Variants in JMJD1C observed in about 807,000 individuals in gnomAD.
JMJD1C encodes jumonji domain containing 1C, also known as jumonji domain-containing protein 1C.
Under a neutral mutation model 245.3 loss-of-function variants are expected in JMJD1C, and 31 were observed. That is an observed-to-expected ratio of 0.13 (90% CI 0.09 to 0.17). The LOEUF is 0.17. Among genes scored for constraint, JMJD1C ranks in the 10% least tolerant of loss-of-function variants. The probability of loss-of-function intolerance (pLI) is 1.00; values close to 1 mark genes in which losing one functional copy is unlikely to be tolerated. For missense variants in JMJD1C, 2,691 were observed against 3,000.2 expected (o/e 0.90, Z 2.41); for synonymous variants, 1,057 against 1,017.4 (o/e 1.04, Z -0.74).
chr10:63,210,786 C>T (rs1011710623), intron 8 of JMJD1C, among the ~76,000 whole-genome samples: 1 of 152,142 alleles, frequency 6.6e-6, no homozygotes, highest in African/African-American at 2.4e-5. Flanking sequence ...GGTCACCAGG[C>T]CTGCTTTCTA....
intron 18 of JMJD1C, among the ~76,000 whole-genome samples, chr10:63,188,737 G>C (rs1298705268): frequency 4.6e-5 from 7 of 152,160 alleles, no homozygotes; most frequent in Non-Finnish European, 1.0e-4. Context: ...GAACTAATTT[G>C]TAAGTAAATG....
intron 10 of JMJD1C, chr10:63,203,795 A>G (rs1487790611): frequency 1.0e-5 from 10 of 957,752 alleles, no homozygotes; most frequent in African/African-American, 1.8e-5. Flanking sequence ...TATAAAATAT[A>G]TAATTATACA....
chr10:63,386,324 T>C (rs1947585985), intron 1 of JMJD1C, among the ~76,000 whole-genome samples: 1 of 152,160 alleles, frequency 6.6e-6, no homozygotes, highest in Admixed American at 6.5e-5. Context: ...GTTGCCTGCC[T>C]ACAGCTGCTC....
At chr10:63,431,456 G>A (rs1186755087) in intron 1 of JMJD1C, among the ~76,000 whole-genome samples, 1 of 152,158 alleles carries the variant, frequency 6.6e-6, no homozygotes, top group African/African-American at 2.4e-5. Flanking sequence ...TTCTGAGGTA[G>A]GGACTTCAAG....
In JMJD1C at chr10:63,214,088, G is replaced by A. The variant is rs565904047; in HGVS notation, c.2079C>T (p.Ser693=). 9 of 1,614,102 alleles carry A rather than the reference G, an allele frequency of 5.6e-6. No individual in the cohort carries two copies. Among genetic ancestry groups the A allele is most frequent in the Non-Finnish European group, 7.6e-6 (9 of 1,179,958 alleles). ...RCSFHPIPTR[S]STLETTKSPL... ...GACTCTTTGTAGTTTCTAATGTACT[G>A]CTTCGAGTAGGAATTGGATGAAAAC... Residue 693 remains serine (S), a synonymous_variant, in exon 8 of 26, where the codon AGC becomes AGT. Coordinates refer to ENST00000399262, the MANE Select transcript of JMJD1C (RefSeq NM_032776.3).
At chr10:63,342,691 A>C (rs541963461) in intron 2 of JMJD1C, among the ~76,000 whole-genome samples, 6 of 152,206 alleles carry the variant, frequency 3.9e-5, no homozygotes, top group Non-Finnish European at 5.9e-5. Flanking sequence ...ATGATATTTC[A>C]TATTTTTACT....
At chr10:63,263,649 A>T (rs895711690) in intron 3 of JMJD1C, among the ~76,000 whole-genome samples, 1 of 152,154 alleles carries the variant, frequency 6.6e-6, no homozygotes, top group African/African-American at 2.4e-5. Context: ...ATACAAATGA[A>T]GGCCAGGTGT....
chr10:63,324,067 C>T (rs1941244295), intron 2 of JMJD1C, among the ~76,000 whole-genome samples: 1 of 150,272 alleles, frequency 6.7e-6, no homozygotes, highest in Non-Finnish European at 1.5e-5. Context: ...CTATGTGGGC[C>T]CCCAAAGGAT....
rs936064357 is a variant in JMJD1C at position 63,356,437 on chromosome 10, G to A, written c.333+23881C>T. The stretch of plus-strand genomic sequence containing the variant: ...TAGTTTACTCCAGACCCTCACTGAA[G>A]AACAAAAAAGACCTGAGAAAGCATT... On this transcript the variant is annotated intron_variant, in intron 2 of 25. Transcript: ENST00000399262. 2.6e-5 allele frequency among the ~76,000 whole-genome samples: 4 copies of A among 152,208 alleles called. No individual in the cohort carries two copies. The South Asian group carries it at 6.2e-4, about 24-fold the overall frequency.
intron 1 of JMJD1C, among the ~76,000 whole-genome samples, chr10:63,424,585 C>T (rs575641339): frequency 4.7e-4 from 36 of 76,788 alleles, no homozygotes; most frequent in African/African-American, 9.0e-4. Flanking sequence ...TGGCTCACTG[C>T]AGCCTCGACC....
chr10:63,197,371 A>T, intron 13 of JMJD1C, 40 bp downstream of exon 13: 1 of 1,540,936 alleles, frequency 6.5e-7, no homozygotes, highest in Non-Finnish European at 8.8e-7. Context: ...CTAAAGAAAA[A>T]TTATAAAAAA....
chr10:63,234,629 C>T (rs777840431), intron 3 of JMJD1C, among the ~76,000 whole-genome samples: 5 of 146,864 alleles, frequency 3.4e-5, no homozygotes, highest in African/African-American at 7.7e-5. Flanking sequence ...ATAAAAAGAA[C>T]GAGTTATTTA....
intron 22 of JMJD1C, 33 bp downstream of exon 22, chr10:63,183,412 CTT>C (rs1843724413): frequency 2.5e-6 from 4 of 1,572,168 alleles, no homozygotes; most frequent in Middle Eastern, 3.4e-4. Context: ...TTATTCAACT[CTT>C]ATTTCAAAGA....
intron 1 of JMJD1C, among the ~76,000 whole-genome samples, chr10:63,493,464 T>C (rs1420733277): frequency 2.0e-5 from 3 of 151,902 alleles, no homozygotes; most frequent in African/African-American, 7.3e-5. Context: ...GTATTTTTAA[T>C]AGAGACAGGG....
intron 1 of JMJD1C, among the ~76,000 whole-genome samples, chr10:63,492,118 C>T (rs756340322): frequency 1.8e-4 from 27 of 152,200 alleles, no homozygotes; most frequent in Non-Finnish European, 3.2e-4. Context: ...TCTGCACCCT[C>T]GACCTCCTGG....
intron 3 of JMJD1C, among the ~76,000 whole-genome samples, chr10:63,233,373 G>A (rs1040297598): frequency 6.6e-6 from 1 of 152,010 alleles, no homozygotes; most frequent in Admixed American, 6.6e-5. Context: ...AGCACTGTCT[G>A]TAACATTAGC....
intron 1 of JMJD1C, among the ~76,000 whole-genome samples, chr10:63,421,908 C>G (rs552345009): frequency 4.7e-4 from 71 of 152,272 alleles, no homozygotes; most frequent in African/African-American, 1.7e-3. Flanking sequence ...GAATTTGTGG[C>G]CTCCAGAACT....
In JMJD1C at chr10:63,331,001, C is replaced by A. The variant is rs533270208; in HGVS notation, c.333+49317G>T. On this transcript the variant is annotated intron_variant, in intron 2 of 25. Coordinates refer to ENST00000399262, the MANE Select transcript of JMJD1C (RefSeq NM_032776.3). ...ACTCTATGACCTGTATACTCCCCAC[C>A]TACTTACTTGACTTCATTATCTTCA... Among the ~76,000 whole-genome samples, 20 of 152,326 alleles carry A rather than the reference C, an allele frequency of 1.3e-4. No homozygotes were observed. The East Asian group carries it at 3.9e-3, about 29-fold the overall frequency.
chr10:63,251,973 A>G (rs940956418), intron 3 of JMJD1C, among the ~76,000 whole-genome samples: 2 of 152,182 alleles, frequency 1.3e-5, no homozygotes, highest in East Asian at 1.9e-4. Flanking sequence ...AGATCGTGCC[A>G]CTGCACTCCA....
Sources: allele counts gnomAD v4.1 joint callset (sites outside exome capture counted in the v4.1 genomes callset), GRCh38; gene constraint gnomAD v4.1.1; transcripts MANE v1.5; gene names NCBI Gene and HGNC (gene_info 2026-07-23, HGNC 2026-07-21).